FOXN3: variants seen among roughly 807,000 people sequenced by gnomAD.
FOXN3 encodes the protein forkhead box protein N3.
FOXN3 carries 7 observed loss-of-function variants against 38.4 expected under a neutral mutation model. That is an observed-to-expected ratio of 0.18 (90% confidence interval 0.10 to 0.34). The LOEUF (loss-of-function observed/expected upper bound fraction) is 0.34. Ranked by LOEUF, FOXN3 falls within the 10% of genes least tolerant of loss-of-function variation. The probability of loss-of-function intolerance (pLI) is 1.00; values close to 1 mark genes in which losing one functional copy is unlikely to be tolerated. For synonymous variants in FOXN3, 230 were observed against 242.2 expected, an observed-to-expected ratio of 0.95 and a Z score of 0.47; for missense variants, 456 against 613.4, an observed-to-expected ratio of 0.74 and a Z score of 2.71.
At chr14:89,386,822 GGACT>G (rs772839223) in intron 2 of FOXN3, among the ~76,000 whole-genome samples, 5 of 152,134 alleles carry the variant, frequency 3.3e-5, no homozygotes, top group Non-Finnish European at 7.3e-5. Flanking sequence ...GTGCTCATGG[GGACT>G]GCCCTTGGTG....
chr14:89,592,910 G>T (rs967644289), intron 1 of FOXN3, among the ~76,000 whole-genome samples: 1 of 152,098 alleles, frequency 6.6e-6, no homozygotes, highest in African/African-American at 2.4e-5. Flanking sequence ...AAAGTGGAAG[G>T]CGTGCATTAT....
At chr14:89,435,410 A>C (rs985604581) in intron 1 of FOXN3, among the ~76,000 whole-genome samples, 1 of 149,416 alleles carries the variant, frequency 6.7e-6, no homozygotes, top group Non-Finnish European at 1.5e-5. Flanking sequence ...CAATACCCCC[A>C]CAGGCCCTCA....
At chr14:89,322,367 G>C (rs1224100509) in intron 3 of FOXN3, among the ~76,000 whole-genome samples, 2 of 152,174 alleles carry the variant, frequency 1.3e-5, no homozygotes, top group Non-Finnish European at 2.9e-5. Flanking sequence ...TATGAAGCCA[G>C]GTGCTAAGGT....
In FOXN3 at chr14:89,464,516, A is replaced by G. The variant is rs1271717438; in HGVS notation, c.-14-52026T>C. ...GAAAGCTTCCTTAACTTTGTTTATA[A>G]AATGGGCTCTATCCTTTTGCTTAAC... is the stretch of plus-strand genomic sequence containing the variant. On this transcript the variant is annotated intron_variant, in intron 1 of 6. Transcript: ENST00000345097. Among the ~76,000 whole-genome samples the G allele has an allele frequency of 2.0e-5, 3 of 152,236 alleles. No homozygotes were observed. In the East Asian group the frequency reaches 5.8e-4, roughly 29 times the overall value.
At chr14:89,368,207 A>G (rs12050073) in intron 2 of FOXN3, among the ~76,000 whole-genome samples, 89,339 of 151,588 alleles carry the variant, frequency 0.59, 27,009 homozygotes, top group African/African-American at 0.75. Context: ...GCACATGCCT[A>G]CAATCCCAGC....
chr14:89,160,390 G>T lies in FOXN3; in HGVS notation c.*2024C>A, dbSNP rs1011802538. 3.3e-5 allele frequency: 5 copies of T among 152,182 alleles called. No individual in the cohort carries two copies. Among genetic ancestry groups the T allele is most frequent in the African/African-American group, 4.8e-5 (2 of 41,318 alleles). 9.4% of individuals were successfully genotyped at this position (152,182 alleles called of 1,614,324 possible). A position where few individuals can be genotyped will look rare whatever the true frequency, so the allele number is the denominator to read the frequency against. On this transcript the variant is annotated 3_prime_UTR_variant, in exon 6 of 6. Coordinates refer to ENST00000557258, the MANE Select transcript of FOXN3 (RefSeq NM_005197.4). Reference sequence around the variant, plus strand: ...ATGGCCGGCCCCTGCTTCCTATTGCGACATGGCATTGTGGCGATAGGATGT... The same window carrying T: ...ATGGCCGGCCCCTGCTTCCTATTGCTACATGGCATTGTGGCGATAGGATGT...
chr14:89,284,147 G>C lies in FOXN3; in HGVS notation c.681-3133C>G, dbSNP rs1426836272. On this transcript the variant is annotated intron_variant, in intron 3 of 5. Coordinates refer to ENST00000557258, the MANE Select transcript of FOXN3 (RefSeq NM_005197.4). ...GCCTCCCAAAGTGCTGGGATTGCAG[G>C]GGTGAGCCACCATGCCTGACCCATC... 3.3e-5 allele frequency among the ~76,000 whole-genome samples: 5 copies of C among 152,172 alleles called. No individual in the cohort carries two copies. The East Asian group carries it at 9.6e-4, about 29-fold the overall frequency.
At chr14:89,307,985 C>G (rs1887425912) in intron 3 of FOXN3, among the ~76,000 whole-genome samples, 1 of 152,174 alleles carries the variant, frequency 6.6e-6, no homozygotes, top group South Asian at 2.1e-4. Context: ...AAAAATTAGG[C>G]CGGGAGCAGT....
intron 3 of FOXN3, among the ~76,000 whole-genome samples, chr14:89,293,956 C>A (rs995141691): frequency 1.3e-5 from 2 of 152,166 alleles, no homozygotes; most frequent in Admixed American, 1.3e-4. Context: ...CCGCAAAGAA[C>A]AAAACAGAAG....
chr14:89,521,840 C>T (rs540502723), intron 1 of FOXN3, among the ~76,000 whole-genome samples: 1 of 151,888 alleles, frequency 6.6e-6, no homozygotes, highest in African/African-American at 2.4e-5. Context: ...GCCTGAACAA[C>T]ACATCAAGAC....
At chr14:89,279,055 A>C (rs1306134000) in intron 4 of FOXN3, among the ~76,000 whole-genome samples, 1 of 152,158 alleles carries the variant, frequency 6.6e-6, no homozygotes, top group East Asian at 1.9e-4. Context: ...TTATCACAAC[A>C]AAAGTGTCTC....
At chr14:89,276,239 A>G (rs541758969) in intron 4 of FOXN3, among the ~76,000 whole-genome samples, 1 of 152,192 alleles carries the variant, frequency 6.6e-6, no homozygotes, top group Non-Finnish European at 1.5e-5. Flanking sequence ...AGATCACACC[A>G]CTTGCACACC....
intron 2 of FOXN3, among the ~76,000 whole-genome samples, chr14:89,358,956 G>C (rs866521345): frequency 4.6e-5 from 7 of 152,172 alleles, no homozygotes; most frequent in South Asian, 2.1e-4. Flanking sequence ...CAAGATTGTT[G>C]TGAGGATTAA....
intron 1 of FOXN3, among the ~76,000 whole-genome samples, chr14:89,503,334 G>C (rs1008535406): frequency 6.6e-6 from 1 of 151,714 alleles, no homozygotes; most frequent in African/African-American, 2.4e-5. Flanking sequence ...CATACAGCTG[G>C]TTTATCTGAA....
intron 3 of FOXN3, among the ~76,000 whole-genome samples, chr14:89,317,080 C>G (rs1887741331): frequency 1.3e-5 from 2 of 152,176 alleles, no homozygotes; most frequent in Admixed American, 6.5e-5. Context: ...TTCAAGACTG[C>G]AATTGGCTTC....
chr14:89,433,456 T>C (rs1892208079), intron 1 of FOXN3, among the ~76,000 whole-genome samples: 1 of 152,130 alleles, frequency 6.6e-6, no homozygotes, highest in African/African-American at 2.4e-5. Context: ...CACTCCAGCC[T>C]GGGCGACTAA....
chr14:89,212,504 G>A (rs1383513919), intron 4 of FOXN3, among the ~76,000 whole-genome samples: 3 of 152,176 alleles, frequency 2.0e-5, no homozygotes, highest in African/African-American at 7.2e-5. Context: ...ATTCTCCAGT[G>A]CCTGGGTGTC....
intron 4 of FOXN3, among the ~76,000 whole-genome samples, chr14:89,253,249 C>A (rs1885515801): frequency 6.6e-6 from 1 of 152,322 alleles, no homozygotes; most frequent in Admixed American, 6.5e-5. Flanking sequence ...GGAGTGCTCA[C>A]CGGCATCGCG....
intron 2 of FOXN3, among the ~76,000 whole-genome samples, chr14:89,403,623 A>G (rs562612399): frequency 6.6e-6 from 1 of 152,394 alleles, no homozygotes; most frequent in African/African-American, 2.4e-5. Flanking sequence ...AAGGTTCTGA[A>G]AACCATTTCT....
Sources: gnomAD v4.1 joint callset for allele counts (sites outside exome capture counted in the v4.1 genomes callset) on GRCh38, gnomAD v4.1.1 for gene constraint, MANE v1.5 for transcripts, NCBI Gene and HGNC (gene_info 2026-07-23, HGNC 2026-07-21) for gene names.